The following LPCAT3 variants were observed in gnomAD, a reference collection of about 807,000 sequenced individuals.
LPCAT3 encodes the protein lysophosphatidylcholine acyltransferase 3.
LPCAT3 carries 21 observed loss-of-function variants against 63.4 expected under a neutral mutation model. The observed-to-expected ratio is 0.33, with a 90% CI of 0.23 to 0.48. The LOEUF is 0.48. Among genes scored for constraint, LPCAT3 ranks in the 20% least tolerant of loss-of-function variants. The pLI is 0.99. For missense variants in LPCAT3, 451 were observed against 590.6 expected, an observed-to-expected ratio of 0.76 and a Z score of 2.45; for synonymous variants, 242 against 227.5, an observed-to-expected ratio of 1.06 and a Z score of -0.58.
chr12:6,999,531 A>C (rs1946666944), intron 1 of LPCAT3, among the ~76,000 whole-genome samples: 1 of 152,258 alleles, frequency 6.6e-6, no homozygotes, highest in African/African-American at 2.4e-5. Context: ...AGTGCTCTTA[A>C]TAAGCAAGAC....
At position 6,987,600 on chromosome 12, in the gene LPCAT3, G is replaced by T. The variant is rs1416227041; in HGVS notation, c.152-4061C>A. Among the ~76,000 whole-genome samples the T allele has an allele frequency of 4.0e-5, 6 of 151,796 alleles. 1 individual carries two copies. On this transcript the variant is annotated intron_variant, in intron 1 of 12. Coordinates refer to ENST00000261407, the MANE Select transcript of LPCAT3 (RefSeq NM_005768.6). This position sits in a 1 kb window ranked among gnomAD's most constrained non-coding sequence, Gnocchi z 4.1. ...ATTTTTACTTTTGTTTTAGTAACGGGGTATAAATAAAAAAATATAAAACAG... is the reference window on the plus strand; with the variant it reads ...ATTTTTACTTTTGTTTTAGTAACGGTGTATAAATAAAAAAATATAAAACAG...
At chr12:6,986,907 A>G (rs1280104452) in intron 1 of LPCAT3, among the ~76,000 whole-genome samples, 2 of 151,420 alleles carry the variant, frequency 1.3e-5, no homozygotes, top group Non-Finnish European at 2.9e-5. Flanking sequence ...TGAGATCAGG[A>G]GTTTGAGACG....
At chr12:6,979,048 T>C (rs1211990652) in intron 7 of LPCAT3, 34 of 305,472 alleles carry the variant, frequency 1.1e-4, no homozygotes, top group Non-Finnish European at 2.0e-4. Flanking sequence ...ATTACTGAAC[T>C]GTTTTCAAGC....
intron 1 of LPCAT3, among the ~76,000 whole-genome samples, chr12:7,011,463 C>T (rs1256111064): frequency 6.6e-6 from 1 of 151,920 alleles, no homozygotes; most frequent in Non-Finnish European, 1.5e-5. Context: ...CTGGGCAACA[C>T]GGTAAAACCC....
intron 1 of LPCAT3, among the ~76,000 whole-genome samples, chr12:6,983,883 G>C (rs1324451286): frequency 6.6e-6 from 1 of 152,168 alleles, no homozygotes; most frequent in African/African-American, 2.4e-5. Context: ...TGGCTCCCAT[G>C]TATAATCCCA....
chr12:6,977,352 C>G lies in LPCAT3; in HGVS notation c.1347+15G>C. Reference sequence around the variant, plus strand: ...AGTGAGTCCCTCCCAGTCTCACAAGCAGGCCTTCACTTGCCTTAAGCCATT... The same window carrying G: ...AGTGAGTCCCTCCCAGTCTCACAAGGAGGCCTTCACTTGCCTTAAGCCATT... On this transcript the variant is annotated intron_variant, in intron 11 of 12. Transcript: ENST00000261407. The surrounding 1 kb of genome is among the most constrained non-coding windows in gnomAD (Gnocchi z 4.5). The G allele has an allele frequency of 6.2e-7, 1 of 1,614,062 alleles. No homozygotes were observed. The highest frequency in any genetic ancestry group is 8.5e-7 in the Non-Finnish European group (1 of 1,179,916).
intron 7 of LPCAT3, 198 bp from the exon 8 acceptor site, chr12:6,978,887 G>A (rs1372237571): frequency 2.9e-5 from 20 of 700,512 alleles, no homozygotes; most frequent in Admixed American, 1.6e-4. Context: ...ATATTCATTC[G>A]CCTTTCCCTT....
chr12:7,015,110 T>C (rs1472504137), intron 1 of LPCAT3, among the ~76,000 whole-genome samples: 4 of 152,120 alleles, frequency 2.6e-5, no homozygotes, highest in Admixed American at 2.6e-4. Flanking sequence ...GTCAAAAAGG[T>C]TTAAAAGCCA....
In LPCAT3 at chr12:6,987,708, G is replaced by T; in HGVS notation, c.152-4169C>A. The T allele has an allele frequency of 2.5e-6, 1 of 399,290 alleles. No homozygotes were observed. Among genetic ancestry groups the T allele is most frequent in the Non-Finnish European group, 4.4e-6 (1 of 225,916 alleles). 24.7% of individuals were successfully genotyped at this position (399,290 alleles called of 1,614,324 possible). A position where few individuals can be genotyped will look rare whatever the true frequency, so the allele number is the denominator to read the frequency against. ...AAGCATGAAAACCCTTAACCATTTG[G>T]AATGCTCGAAATTAAAAAACACCAC... On this transcript the variant is annotated intron_variant, in intron 1 of 12. Transcript: ENST00000261407. The surrounding 1 kb of genome is among the most constrained non-coding windows in gnomAD (Gnocchi z 4.1).
At chr12:7,005,160 T>G (rs782420387) in intron 1 of LPCAT3, among the ~76,000 whole-genome samples, 4 of 152,252 alleles carry the variant, frequency 2.6e-5, no homozygotes, top group Non-Finnish European at 4.4e-5. Flanking sequence ...ATTAGCTTAT[T>G]CTGGGTATTT....
intron 1 of LPCAT3, among the ~76,000 whole-genome samples, chr12:7,016,062 A>G (rs1375726704): frequency 6.6e-6 from 1 of 152,026 alleles, no homozygotes; most frequent in Non-Finnish European, 1.5e-5. Context: ...TTTATTGTTG[A>G]GAAACCAACA....
rs782100333 is a variant in LPCAT3 at position 6,977,617 on chromosome 12, A to G, written c.1169T>C (p.Ile390Thr). 4 of 1,614,138 alleles carry G rather than the reference A, an allele frequency of 2.5e-6. No homozygotes were observed. The highest frequency in any genetic ancestry group is 1.3e-5 in the African/African-American group (1 of 75,032). Residue 390 changes from isoleucine (I) to threonine (T), a missense_variant, in exon 10 of 13, where the codon ATT (isoleucine) becomes ACT (threonine). This residue lies in a region of LPCAT3 where 304 missense variants were observed against 390.8 expected (regional missense o/e 0.78). Coordinates refer to ENST00000261407, the MANE Select transcript of LPCAT3 (RefSeq NM_005768.6). The surrounding 1 kb of genome is among the most constrained non-coding windows in gnomAD (Gnocchi z 4.5). ...GCCTACCTGTCTTTCCACAATAACA[A>G]TGAGGAATTCCATCTGGAAGCAGAC... ...YLVCFQMEFL[I>T]VIVERQAARL...
In LPCAT3 at chr12:6,992,601, T is replaced by C. The variant is rs112173492; in HGVS notation, c.152-9062A>G. Among the ~76,000 whole-genome samples, 356 of 152,360 alleles carry C rather than the reference T, an allele frequency of 2.3e-3. 3 individuals carry two copies. Among genetic ancestry groups the C allele is most frequent in the African/African-American group, 8.0e-3 (334 of 41,580 alleles). Reference sequence around the variant, plus strand: ...TCCTTAAAGAAGTCTCAGGAACTTTTAGGAGTAGTCTATGGACTGCATGCT... The same window carrying C: ...TCCTTAAAGAAGTCTCAGGAACTTTCAGGAGTAGTCTATGGACTGCATGCT... On this transcript the variant is annotated intron_variant, in intron 1 of 12. Transcript: ENST00000261407.
intron 1 of LPCAT3, among the ~76,000 whole-genome samples, chr12:6,990,504 G>T (rs751114209): frequency 6.7e-6 from 1 of 148,642 alleles, no homozygotes; most frequent in African/African-American, 2.5e-5. Context: ...GTGAGACTCC[G>T]CCTCAAAAAG....
intron 1 of LPCAT3, among the ~76,000 whole-genome samples, chr12:6,984,498 A>G (rs1187218586): frequency 3.3e-5 from 5 of 152,186 alleles, no homozygotes; most frequent in Non-Finnish European, 5.9e-5. Flanking sequence ...GGATCTCTCA[A>G]CTGCTTTTTG....
At position 6,989,956 on chromosome 12, in the gene LPCAT3, G is replaced by T. The variant is rs1591550698; in HGVS notation, c.152-6417C>A. 3.3e-5 allele frequency among the ~76,000 whole-genome samples: 5 copies of T among 151,634 alleles called. 1 individual carries two copies. On this transcript the variant is annotated intron_variant, in intron 1 of 12. Transcript: ENST00000261407. ...GGGAGGCTGAGACGGGAGAATCACT[G>T]GAACCCAGGAGTTTGAGACCAGCCT...
In LPCAT3 at chr12:7,018,414, G is replaced by A. The variant is rs1196986767; in HGVS notation, c.11C>T (p.Ser4Leu). The A allele has an allele frequency of 1.9e-6, 3 of 1,606,558 alleles. No individual in the cohort carries two copies. The Admixed American group carries it at 5.1e-5, about 27-fold the overall frequency. MAS[S>L]AEGDEGTVVA... ...CACAGTCCCCTCGTCCCCCTCCGCTGAGGACGCCATCTTAACTCCGGGAGC... is the reference window on the plus strand; with the variant it reads ...CACAGTCCCCTCGTCCCCCTCCGCTAAGGACGCCATCTTAACTCCGGGAGC... Residue 4 changes from serine (S) to leucine (L), a missense_variant, in exon 1 of 13, where the codon TCA (serine) becomes TTA (leucine). Ser to Leu is a moderately radical substitution (Grantham distance 145). Coordinates refer to ENST00000261407, the MANE Select transcript of LPCAT3 (RefSeq NM_005768.6). This position sits in a 1 kb window ranked among gnomAD's most constrained non-coding sequence, Gnocchi z 4.9.
intron 1 of LPCAT3, among the ~76,000 whole-genome samples, chr12:6,997,988 A>G (rs1346355510): frequency 1.3e-5 from 2 of 152,082 alleles, no homozygotes; most frequent in Admixed American, 6.5e-5. Flanking sequence ...TCAGCCTCCT[A>G]AAGTGCTGGG....
chr12:6,988,797 T>G (rs1555155090), intron 1 of LPCAT3, among the ~76,000 whole-genome samples: 3 of 152,160 alleles, frequency 2.0e-5, no homozygotes, highest in Non-Finnish European at 4.4e-5. Flanking sequence ...TTACCTTTAT[T>G]AGCACCAGAT....
Sources: gnomAD v4.1 joint callset for allele counts (sites outside exome capture counted in the v4.1 genomes callset) on GRCh38, gnomAD v4.1.1 for gene constraint, gnomAD v4.1.1 regional missense constraint, Gnocchi (gnomAD v3.1) non-coding constraint, MANE v1.5 for transcripts, NCBI Gene and HGNC (gene_info 2026-07-23, HGNC 2026-07-21) for gene names.